Variants in URB2 observed in about 807,000 individuals in gnomAD.
The protein encoded by URB2 is unhealthy ribosome biogenesis protein 2 homolog.
URB2 carries 86 observed loss-of-function variants against 120.9 expected under a neutral mutation model. The ratio of observed to expected loss-of-function variants is 0.71; its 90% confidence interval spans 0.60 to 0.85. URB2 has a LOEUF of 0.85. URB2 is among the 40% of genes least tolerant of loss of function. URB2 has a pLI of 0.00. For synonymous variants in URB2, 755 were observed against 758.4 expected (o/e 1.00, Z 0.07); for missense variants, 1,765 against 1,836.5 (o/e 0.96, Z 0.71).
chr1:229,642,571 C>G (rs967851581), intron 4 of URB2, among the ~76,000 whole-genome samples: 5 of 152,148 alleles, frequency 3.3e-5, no homozygotes, highest in Admixed American at 6.5e-5. Context: ...CTTGAGTGCC[C>G]TGGCTTTGGG....
At position 229,649,642 on chromosome 1, in the gene URB2, A is replaced by C. The variant is rs577283975; in HGVS notation, c.4150-1593A>C. Reference sequence around the variant, plus strand: ...GAATCTGATGGATGATCACAGCATCAACAGTGTGCATGGTAGGCCCACACT... The same window carrying C: ...GAATCTGATGGATGATCACAGCATCCACAGTGTGCATGGTAGGCCCACACT... On this transcript the variant is annotated intron_variant, in intron 7 of 9. Coordinates refer to ENST00000258243, the MANE Select transcript of URB2 (RefSeq NM_014777.4). Among the ~76,000 whole-genome samples, 542 of 151,878 alleles carry C rather than the reference A, an allele frequency of 3.6e-3. 5 individuals carry two copies. Among genetic ancestry groups the C allele is most frequent in the African/African-American group, 0.012 (516 of 41,408 alleles).
chr1:229,637,778 CCTT>C lies in URB2; in HGVS notation c.3168_3170del (p.Leu1057del). 1 of 1,614,086 alleles carries C rather than the reference CCTT, an allele frequency of 6.2e-7. No homozygotes were observed. Among genetic ancestry groups the C allele is most frequent in the Non-Finnish European group, 8.5e-7 (1 of 1,180,026 alleles). ...ATCAGAACCCCCAGGGCAGGCAGCT[CCTT>C]CTGGTGTCTTTAACCAGGTTGTGCC... On this transcript the variant is annotated inframe_deletion, in exon 4 of 10. Transcript: ENST00000258243.
Position 229,643,678 on chromosome 1 carries a change from G to T in URB2, c.3780G>T (p.Trp1260Cys). Residue 1260 changes from tryptophan (W) to cysteine (C), a missense_variant, in exon 5 of 10, where the codon TGG becomes TGT. Coordinates refer to ENST00000258243, the MANE Select transcript of URB2 (RefSeq NM_014777.4). ...AGGGACTGGATGTCAGTAACATGTG[G>T]AAAGCAGATGTGCAGGTGGGTGCCT... is the stretch of plus-strand genomic sequence containing the variant. ...ILQGLDVSNM[W>C]KADVQAVVSA... is the part of the protein sequence containing the mutation. The T allele has an allele frequency of 6.2e-7, 1 of 1,613,838 alleles. No individual in the cohort carries two copies.
At chr1:229,641,219 G>T (rs891846568) in intron 4 of URB2, among the ~76,000 whole-genome samples, 1 of 151,920 alleles carries the variant, frequency 6.6e-6, no homozygotes, top group Non-Finnish European at 1.5e-5. Context: ...TACCGTGTTG[G>T]CCAGGCTGGT....
At chr1:229,628,143 T>C (rs959069812) in intron 2 of URB2, among the ~76,000 whole-genome samples, 14 of 119,404 alleles carry the variant, frequency 1.2e-4, no homozygotes, top group African/African-American at 5.0e-4. Flanking sequence ...ATAATATATA[T>C]ATAATATATA....
In URB2 at chr1:229,635,010, C is replaced by T. The variant is rs1665758133; in HGVS notation, c.397C>T (p.Pro133Ser). The T allele has an allele frequency of 1.2e-6, 2 of 1,613,240 alleles. No homozygotes were observed. Among genetic ancestry groups the T allele is most frequent in the Non-Finnish European group, 1.7e-6 (2 of 1,179,420 alleles). Residue 133 changes from proline to serine, a missense_variant, in exon 4 of 10, where the codon CCT (proline) becomes TCT (serine). Coordinates refer to ENST00000258243, the MANE Select transcript of URB2 (RefSeq NM_014777.4). ...LRCCQGILST[P>S]ALAVIYTAKQ... ...ATGTTGCCAGGGCATCCTGTCGACACCTGCCCTGGCTGTCATCTACACGGC... is the reference window on the plus strand; with the variant it reads ...ATGTTGCCAGGGCATCCTGTCGACATCTGCCCTGGCTGTCATCTACACGGC...
intron 1 of URB2, 65 bp from the exon 2 acceptor site, chr1:229,627,556 T>G (rs1665537725): frequency 1.3e-6 from 2 of 1,522,806 alleles, no homozygotes. Context: ...TACTGTTGGT[T>G]TTCTGGTGCC....
chr1:229,633,411 T>C lies in URB2; in HGVS notation c.303+966T>C, dbSNP rs1171970499. ...TATTTTTATGTATGCTTCATAATTA[T>C]ATAAAATGTTAGTGCTGCAGCATAT... On this transcript the variant is annotated intron_variant, in intron 3 of 9. Coordinates refer to ENST00000258243, the MANE Select transcript of URB2 (RefSeq NM_014777.4). Among the ~76,000 whole-genome samples the C allele has an allele frequency of 5.3e-5, 8 of 152,254 alleles. 1 individual carries two copies. Among genetic ancestry groups the C allele is most frequent in the Non-Finnish European group, 1.2e-4 (8 of 68,038 alleles).
chr1:229,633,857 A>T (rs899943957), intron 3 of URB2, among the ~76,000 whole-genome samples: 1 of 152,160 alleles, frequency 6.6e-6, no homozygotes, highest in African/African-American at 2.4e-5. Flanking sequence ...TTTTTTTGAG[A>T]TAGAGTCTCT....
Position 229,637,410 on chromosome 1 carries a change from T to G in URB2, c.2797T>G (p.Cys933Gly), listed in dbSNP as rs1306087097. ...SMAVTKLGCS[C>G]SSSLALKFLT... Reference sequence around the variant, plus strand: ...GGCCGTCACCAAACTAGGATGCTCTTGCTCCTCCTCACTGGCTCTCAAGTT... The same window carrying G: ...GGCCGTCACCAAACTAGGATGCTCTGGCTCCTCCTCACTGGCTCTCAAGTT... The change falls in exon 4 of 10, where the codon TGC becomes GGC. Residue 933 changes from cysteine (C) to glycine (G), a missense_variant. Transcript: ENST00000258243. 3.1e-6 allele frequency: 5 copies of G among 1,614,108 alleles called. No individual in the cohort carries two copies. The African/African-American group carries it at 4.0e-5, about 13-fold the overall frequency.
At chr1:229,643,387 C>A in intron 4 of URB2, 146 bp from the exon 5 acceptor site, 1 of 866,076 alleles carries the variant, frequency 1.2e-6, no homozygotes, top group Non-Finnish European at 1.8e-6. Context: ...CGTGTACCTG[C>A]TTTTTCCACC....
At chr1:229,658,738 GCTTAT>G (rs890539631) in intron 9 of URB2, among the ~76,000 whole-genome samples, 7 of 152,124 alleles carry the variant, frequency 4.6e-5, no homozygotes, top group Admixed American at 3.9e-4. Flanking sequence ...TGGGCAGGCA[GCTTAT>G]CTTCTTATAA....
rs553475393 is a variant in URB2, at chr1:229,637,978, C to G, written c.3365C>G (p.Thr1122Arg). Reference protein sequence around the residue: ...LPSVLISSVSTLLEADLGQHC... With the variant: ...LPSVLISSVSRLLEADLGQHC... ...TCGGTCCTCATCTCATCCGTCAGCA[C>G]GCTCTTGGAAGCCGACCTGGGTCAG... Residue 1122 changes from threonine to arginine, a missense_variant, in exon 4 of 10, where the codon ACG becomes AGG. Physicochemically the swap from Thr to Arg is moderately conservative, Grantham distance 71 (BLOSUM62 -1). Transcript: ENST00000258243. 1 of 1,613,762 alleles carries G rather than the reference C, an allele frequency of 6.2e-7. No individual in the cohort carries two copies. Among genetic ancestry groups the G allele is most frequent in the Admixed American group, 1.7e-5 (1 of 59,976 alleles).
intron 9 of URB2, among the ~76,000 whole-genome samples, chr1:229,655,810 G>A (rs919320983): frequency 1.3e-5 from 2 of 152,210 alleles, no homozygotes; most frequent in African/African-American, 2.4e-5. Flanking sequence ...AAAATCACAA[G>A]TAAGCTTGTT....
intron 5 of URB2, among the ~76,000 whole-genome samples, chr1:229,645,291 A>G (rs1206004347): frequency 6.6e-6 from 1 of 151,460 alleles, no homozygotes; most frequent in African/African-American, 2.4e-5. Flanking sequence ...GTCTCGAAAA[A>G]AAAAAAAAAG....
intron 4 of URB2, among the ~76,000 whole-genome samples, chr1:229,639,610 A>G (rs748305613): frequency 6.6e-6 from 1 of 152,192 alleles, no homozygotes; most frequent in African/African-American, 2.4e-5. Flanking sequence ...TACTGGGATT[A>G]CAGGCGTGAG....
At position 229,645,817 on chromosome 1, in the gene URB2, A is replaced by G. The variant is rs199574818; in HGVS notation, c.3796-42A>G. ...CCCCAGGCGGAGTTCTTAAGGGAGA[A>G]CACGCTATCTCTGCCGCTAAGTTTT... is the stretch of plus-strand genomic sequence containing the variant. On this transcript the variant is annotated intron_variant, in intron 5 of 9. Transcript: ENST00000258243. The G allele has an allele frequency of 7.0e-5, 108 of 1,552,986 alleles. 1 individual carries two copies. The Middle Eastern group carries it at 2.2e-3, about 32-fold the overall frequency.
Position 229,637,152 on chromosome 1 carries a change from A to T in URB2, c.2539A>T (p.Met847Leu). The change falls in exon 4 of 10, where the codon ATG (methionine) becomes TTG (leucine). Residue 847 changes from methionine (M) to leucine (L), a missense_variant. Coordinates refer to ENST00000258243, the MANE Select transcript of URB2 (RefSeq NM_014777.4). ...TCCCTGGCTTTTTGAAAAGGACCACATGGTTGTGGGTCATTGGGAAAACAG... is the reference window on the plus strand; with the variant it reads ...TCCCTGGCTTTTTGAAAAGGACCACTTGGTTGTGGGTCATTGGGAAAACAG... ...QLPWLFEKDH[M>L]VVGHWENRFA... 6.2e-7 allele frequency: 1 copy of T among 1,613,782 alleles called. No homozygotes were observed. The highest frequency in any genetic ancestry group is 8.5e-7 in the Non-Finnish European group (1 of 1,179,788).
At position 229,636,379 on chromosome 1, in the gene URB2, A is replaced by G. The variant is rs759826319; in HGVS notation, c.1766A>G (p.Asp589Gly). The change falls in exon 4 of 10, where the codon GAC becomes GGC. Residue 589 changes from aspartate (D) to glycine (G), a missense_variant. Physicochemically the swap from Asp to Gly is moderately conservative, Grantham distance 94. Coordinates refer to ENST00000258243, the MANE Select transcript of URB2 (RefSeq NM_014777.4). ...CAGCCCCTGCTGGCCCTTCTCCCGG[A>G]CACCCCAGGCCCAGAGCCAGAGCTG... ...LVQPLLALLP[D>G]TPGPEPELWL... 6.2e-7 allele frequency: 1 copy of G among 1,614,220 alleles called. No individual in the cohort carries two copies. Among genetic ancestry groups the G allele is most frequent in the Non-Finnish European group, 8.5e-7 (1 of 1,180,042 alleles).
Sources: gnomAD v4.1 joint callset for allele counts (sites outside exome capture counted in the v4.1 genomes callset) on GRCh38, gnomAD v4.1.1 for gene constraint, MANE v1.5 for transcripts, NCBI Gene and HGNC (gene_info 2026-07-23, HGNC 2026-07-21) for gene names.